COQ8B: variants seen among roughly 807,000 people sequenced by gnomAD.
COQ8B encodes coenzyme Q8B, also known as atypical kinase COQ8B, mitochondrial.
A neutral mutation model predicts 62.0 loss-of-function variants in COQ8B; 44 were observed. The observed-to-expected ratio is 0.71, with a 90% CI of 0.56 to 0.91. The LOEUF (loss-of-function observed/expected upper bound fraction) is 0.91, where lower values mean the gene tolerates loss of function less well. COQ8B is among the 40% of genes least tolerant of loss of function. The pLI, the probability that COQ8B is intolerant of heterozygous loss-of-function variation, is 0.00. For synonymous variants in COQ8B, 252 were observed against 289.9 expected, an observed-to-expected ratio of 0.87 and a Z score of 1.33; for missense variants, 649 against 731.6, an observed-to-expected ratio of 0.89 and a Z score of 1.30.
chr19:40,698,863 G>T (rs2082039394), intron 12 of COQ8B, among the ~76,000 whole-genome samples: 1 of 152,090 alleles, frequency 6.6e-6, no homozygotes, highest in African/African-American at 2.4e-5. Context: ...CCTGATAAAG[G>T]TAATGATGTA....
At chr19:40,711,342 T>C (rs1439609563) in intron 4 of COQ8B, among the ~76,000 whole-genome samples, 21 of 151,986 alleles carry the variant, frequency 1.4e-4, no homozygotes, top group Admixed American at 1.4e-3. Context: ...AGTGATCCTC[T>C]TCCCTCAGCC....
rs777205523 is a variant in COQ8B, at chr19:40,702,675, C to A, written c.818G>T (p.Ser273Ile). The A allele has an allele frequency of 4.3e-6, 7 of 1,609,502 alleles. No homozygotes were observed. In the East Asian group the frequency reaches 8.9e-5, roughly 20 times the overall value. ...ALPAGLFAEQSLQALQQELAW... is the reference protein window; with the variant it reads ...ALPAGLFAEQILQALQQELAW... ...CAGCTCCTGCTGCAAGGCCTGCAGG[C>A]TCTGCTCGGCAAACAGGCCTGTGGG... The change falls in exon 10 of 15, where the codon AGC (serine) becomes ATC (isoleucine). Residue 273 changes from serine to isoleucine, a missense_variant. Physicochemically the swap from Ser to Ile is moderately radical, Grantham distance 142 (BLOSUM62 -2). Transcript: ENST00000324464.
intron 4 of COQ8B, among the ~76,000 whole-genome samples, chr19:40,711,699 G>A (rs2082143035): frequency 5.3e-5 from 8 of 151,788 alleles, no homozygotes; most frequent in Admixed American, 5.3e-4. Flanking sequence ...TTCTTTTGTT[G>A]TCACCATCTC....
At chr19:40,705,536 T>C in intron 5 of COQ8B, 89 bp from the exon 6 acceptor site, 1 of 1,398,844 alleles carries the variant, frequency 7.1e-7, no homozygotes, top group Non-Finnish European at 9.4e-7. Flanking sequence ...CCCAGCACTT[T>C]GGGAGACCCA....
At chr19:40,705,253 T>C in intron 6 of COQ8B, 72 bp from the exon 7 acceptor site, 7 of 1,591,056 alleles carry the variant, frequency 4.4e-6, no homozygotes, top group South Asian at 1.1e-5. Flanking sequence ...GTATCTGAAG[T>C]TGGGGCCTGT....
At chr19:40,715,449 CT>C (rs2082178610) in intron 1 of COQ8B, 1 of 985,492 alleles carries the variant, frequency 1.0e-6, no homozygotes, top group Admixed American at 6.1e-5. Flanking sequence ...ATTTTTACCC[CT>C]GGCAGGCTCA....
intron 9 of COQ8B, among the ~76,000 whole-genome samples, chr19:40,702,942 T>C (rs1377048263): frequency 6.8e-6 from 1 of 148,120 alleles, no homozygotes; most frequent in Non-Finnish European, 1.5e-5. Context: ...ACCTGCATCG[T>C]ATCATCTGTC....
intron 1 of COQ8B, chr19:40,715,049 G>A: frequency 1.0e-6 from 1 of 982,116 alleles, no homozygotes; most frequent in South Asian, 4.5e-5. Flanking sequence ...CCGTTGCTAA[G>A]CACCCACTGC....
intron 5 of COQ8B, among the ~76,000 whole-genome samples, chr19:40,709,820 C>T (rs979327001): frequency 3.3e-5 from 5 of 151,718 alleles, no homozygotes; most frequent in Admixed American, 6.6e-5. Context: ...CCAGCCTGAG[C>T]GACAGAGTGA....
chr19:40,710,391 C>T (rs1381175225), intron 4 of COQ8B, among the ~76,000 whole-genome samples: 3 of 152,080 alleles, frequency 2.0e-5, no homozygotes, highest in Non-Finnish European at 2.9e-5. Context: ...ATTACAGGCA[C>T]GCGCCCACCA....
chr19:40,697,571 C>T (rs192070216), intron 12 of COQ8B, among the ~76,000 whole-genome samples: 80 of 151,686 alleles, frequency 5.3e-4, no homozygotes, highest in African/African-American at 1.8e-3. Flanking sequence ...CTGAGGGGGG[C>T]GGATCACCTG....
intron 5 of COQ8B, among the ~76,000 whole-genome samples, chr19:40,707,734 C>T (rs1466610824): frequency 6.6e-6 from 1 of 152,172 alleles, no homozygotes; most frequent in African/African-American, 2.4e-5. Flanking sequence ...GGATTACAGG[C>T]GTGAGCCACC....
At chr19:40,713,702 C>T (rs996229530) in intron 4 of COQ8B, among the ~76,000 whole-genome samples, 43 of 145,908 alleles carry the variant, frequency 2.9e-4, no homozygotes, top group African/African-American at 9.7e-4. Flanking sequence ...GGCAACAGAG[C>T]GAGACTCTGT....
At chr19:40,713,473 C>T (rs576055364) in intron 4 of COQ8B, among the ~76,000 whole-genome samples, 16 of 151,164 alleles carry the variant, frequency 1.1e-4, no homozygotes, top group South Asian at 4.2e-4. Context: ...GGCTTGAACC[C>T]GGGAGGTGGA....
intron 5 of COQ8B, among the ~76,000 whole-genome samples, chr19:40,705,989 T>G (rs2082098232): frequency 6.6e-6 from 1 of 151,388 alleles, no homozygotes. Context: ...TAAAACAAAT[T>G]GCAGGAGAGT....
intron 5 of COQ8B, among the ~76,000 whole-genome samples, chr19:40,706,534 T>C (rs1288088289): frequency 1.3e-5 from 2 of 152,294 alleles, no homozygotes; most frequent in African/African-American, 4.8e-5. Context: ...GGCACAATCA[T>C]GGCTCACTGC....
rs771948613 is a variant in COQ8B, at chr19:40,700,191, T to TA, written c.1036-18dup. On this transcript the variant is annotated splice_polypyrimidine_tract_variant and intron_variant, in intron 11 of 14. Transcript: ENST00000324464. ...GAAGCAAATCTGGGGTGGGGAGAAT[T>TA]AACAGGCATCTCAGTGTGATCTCCC... 15 of 1,613,930 alleles carry TA rather than the reference T, an allele frequency of 9.3e-6. No homozygotes were observed. The East Asian group carries it at 2.5e-4, about 26-fold the overall frequency.
At chr19:40,693,087 G>A (rs112408993) in intron 13 of COQ8B, 50 bp from the exon 14 acceptor site, 3 of 1,531,918 alleles carry the variant, frequency 2.0e-6, no homozygotes, top group South Asian at 2.3e-5. Context: ...GCTCAAGGGG[G>A]CTCTGGAGAA....
intron 13 of COQ8B, among the ~76,000 whole-genome samples, chr19:40,693,901 C>CT (rs1265322638): frequency 6.6e-6 from 1 of 152,122 alleles, no homozygotes; most frequent in African/African-American, 2.4e-5. Context: ...CTGGGTTGCC[C>CT]TTTTTTGTGA....
Sources: gnomAD v4.1 joint callset for allele counts (sites outside exome capture counted in the v4.1 genomes callset) on GRCh38, gnomAD v4.1.1 for gene constraint, MANE v1.5 for transcripts, NCBI Gene and HGNC (gene_info 2026-07-23, HGNC 2026-07-21) for gene names.